The following CACNA2D3 variants were observed in gnomAD, a reference collection of about 807,000 sequenced individuals.
CACNA2D3 encodes the protein calcium voltage-gated channel auxiliary subunit alpha2delta 3.
In CACNA2D3, 60 loss-of-function variants were observed where a neutral mutation model predicts 160.6. The observed-to-expected ratio is 0.37, with a 90% CI of 0.30 to 0.46. The LOEUF is 0.46. Among genes scored for constraint, CACNA2D3 ranks in the 20% least tolerant of loss-of-function variants. The pLI is 1.00. For missense variants in CACNA2D3, 1,205 were observed against 1,365.0 expected (o/e 0.88, Z 1.85); for synonymous variants, 558 against 492.9 (o/e 1.13, Z -1.75).
intron 2 of CACNA2D3, among the ~76,000 whole-genome samples, chr3:54,128,730 C>A (rs1396257357): frequency 6.6e-6 from 1 of 152,188 alleles, no homozygotes; most frequent in Non-Finnish European, 1.5e-5. Context: ...ACAGCATCTT[C>A]TACACAGGCA....
intron 11 of CACNA2D3, among the ~76,000 whole-genome samples, chr3:54,741,153 C>T (rs900407412): frequency 3.3e-5 from 5 of 151,750 alleles, no homozygotes; most frequent in Admixed American, 6.6e-5. Context: ...GGGTGGATGG[C>T]GGGAAGGGAG....
At chr3:55,040,192 C>G (rs1703927049) in intron 35 of CACNA2D3, among the ~76,000 whole-genome samples, 1 of 152,072 alleles carries the variant, frequency 6.6e-6, no homozygotes. Flanking sequence ...CATGAGGGCT[C>G]TACCCTTATG....
intron 2 of CACNA2D3, among the ~76,000 whole-genome samples, chr3:54,257,194 A>G (rs1402696076): frequency 6.6e-6 from 1 of 152,216 alleles, no homozygotes; most frequent in African/African-American, 2.4e-5. Context: ...GCTTTGATCA[A>G]TATCATAATT....
chr3:54,830,855 C>T (rs1703861205), intron 14 of CACNA2D3, among the ~76,000 whole-genome samples: 1 of 152,008 alleles, frequency 6.6e-6, no homozygotes, highest in Non-Finnish European at 1.5e-5. Context: ...CTGCAATTTA[C>T]CCTAATGGCC....
At chr3:54,986,468 C>T (rs533858401) in intron 30 of CACNA2D3, among the ~76,000 whole-genome samples, 7 of 152,278 alleles carry the variant, frequency 4.6e-5, no homozygotes, top group South Asian at 2.1e-4. Context: ...CAGTAGTACA[C>T]GCCCACAGAG....
intron 2 of CACNA2D3, among the ~76,000 whole-genome samples, chr3:54,179,754 G>C (rs1700746223): frequency 6.6e-6 from 1 of 152,176 alleles, no homozygotes; most frequent in Admixed American, 6.5e-5. Context: ...AGAGATCTGT[G>C]AGGACACAAT....
intron 13 of CACNA2D3, among the ~76,000 whole-genome samples, chr3:54,812,164 A>G (rs1332361228): frequency 6.6e-6 from 1 of 152,284 alleles, no homozygotes; most frequent in Admixed American, 6.5e-5. Context: ...TAAAGACACT[A>G]TCTGGAAAAG....
At chr3:55,022,279 A>G (rs1162591984) in intron 35 of CACNA2D3, among the ~76,000 whole-genome samples, 2 of 152,092 alleles carry the variant, frequency 1.3e-5, no homozygotes, top group East Asian at 3.9e-4. Context: ...TAGCAGAGGT[A>G]CACTAGCTCT....
intron 35 of CACNA2D3, among the ~76,000 whole-genome samples, chr3:55,050,047 CTCTT>C (rs1279823185): frequency 1.5e-4 from 22 of 151,502 alleles, no homozygotes; most frequent in South Asian, 1.0e-3. Flanking sequence ...TGGGTCTTGA[CTCTT>C]TATCCAATTT....
At chr3:54,495,139 G>C (rs1163821971) in intron 4 of CACNA2D3, among the ~76,000 whole-genome samples, 2 of 152,110 alleles carry the variant, frequency 1.3e-5, no homozygotes, top group Non-Finnish European at 2.9e-5. Context: ...TTCATGGGCT[G>C]GTCAAGGTAT....
intron 27 of CACNA2D3, among the ~76,000 whole-genome samples, chr3:54,947,117 C>T (rs1228051871): frequency 6.6e-6 from 1 of 152,162 alleles, no homozygotes; most frequent in East Asian, 1.9e-4. Flanking sequence ...TGAGCTCTTA[C>T]TGTGTTCCAG....
In CACNA2D3 at chr3:54,616,517, G is replaced by A. The variant is rs533888680; in HGVS notation, c.964-11270G>A. The stretch of plus-strand genomic sequence containing the variant: ...CCATCACTTCTATGACATTCTCTTT[G>A]TTGCAGACACCAACCCCTGGTGTAA... On this transcript the variant is annotated intron_variant, in intron 9 of 37. Transcript: ENST00000474759. Among the ~76,000 whole-genome samples, 9 of 152,270 alleles carry A rather than the reference G, an allele frequency of 5.9e-5. No homozygotes were observed. In the South Asian group the frequency reaches 1.9e-3, roughly 32 times the overall value.
intron 35 of CACNA2D3, among the ~76,000 whole-genome samples, chr3:55,022,622 C>CCCTTCCTCCTTCCTTCCCTCCTT (rs1427387069): frequency 1.5e-5 from 2 of 137,846 alleles, no homozygotes; most frequent in Non-Finnish European, 3.1e-5. Context: ...CTCCCTCCCT[C>CCCTTCCTCCTTCCTTCCCTCCTT]CCTTCCTCCT....
chr3:55,018,212 A>G lies in CACNA2D3; in HGVS notation c.2882A>G (p.Lys961Arg). Residue 961 changes from lysine (K) to arginine (R), a missense_variant, in exon 35 of 38, where the codon AAA becomes AGA. Transcript: ENST00000474759. Reference sequence around the variant, plus strand: ...TTTCCCACTATCCCTACAGCCCAGAAATTGAAACAGACCCTGGAGCCTTGT... The same window carrying G: ...TTTCCCACTATCCCTACAGCCCAGAGATTGAAACAGACCCTGGAGCCTTGT... The part of the protein sequence containing the change: ...WHSDMTAKAQ[K>R]LKQTLEPCDT... The G allele has an allele frequency of 6.2e-7, 1 of 1,610,416 alleles. No homozygotes were observed. Among genetic ancestry groups the G allele is most frequent in the Non-Finnish European group, 8.5e-7 (1 of 1,177,000 alleles).
In CACNA2D3 at chr3:54,684,173, C is replaced by T. The variant is rs569009923; in HGVS notation, c.1167+41932C>T. ...AGATGGTTTCACCATGTTGGCCAGG[C>T]GGGTCTTGAACTCCTGACCCATGTA... On this transcript the variant is annotated intron_variant, in intron 11 of 37. Coordinates refer to ENST00000474759, the MANE Select transcript of CACNA2D3 (RefSeq NM_018398.3). 5.9e-5 allele frequency among the ~76,000 whole-genome samples: 9 copies of T among 152,048 alleles called. No homozygotes were observed. In the South Asian group the frequency reaches 6.2e-4, roughly 11 times the overall value.
At chr3:54,725,985 A>C (rs915031366) in intron 11 of CACNA2D3, among the ~76,000 whole-genome samples, 8 of 152,206 alleles carry the variant, frequency 5.3e-5, no homozygotes, top group African/African-American at 1.9e-4. Flanking sequence ...CTCTGTTTGC[A>C]GATGACATGA....
chr3:54,918,771 C>T (rs753428411), intron 27 of CACNA2D3: 7 of 1,613,958 alleles, frequency 4.3e-6, no homozygotes, highest in African/African-American at 1.3e-5. Context: ...ACTGAGCCTG[C>T]GAGGACACTG....
intron 2 of CACNA2D3, among the ~76,000 whole-genome samples, chr3:54,151,929 C>G (rs911397982): frequency 2.6e-5 from 4 of 152,212 alleles, no homozygotes; most frequent in African/African-American, 9.7e-5. Flanking sequence ...CTGCTAAATC[C>G]TCGTAGAGCT....
intron 4 of CACNA2D3, among the ~76,000 whole-genome samples, chr3:54,450,874 C>A (rs1700294389): frequency 1.3e-5 from 2 of 152,158 alleles, no homozygotes; most frequent in Admixed American, 1.3e-4. Context: ...GGGTGTGGTG[C>A]ATCCTGGGAC....
Sources: allele counts gnomAD v4.1 joint callset (sites outside exome capture counted in the v4.1 genomes callset), GRCh38; gene constraint gnomAD v4.1.1; transcripts MANE v1.5; gene names NCBI Gene and HGNC (gene_info 2026-07-23, HGNC 2026-07-21).